Variants in ABCC1 observed in about 807,000 individuals in gnomAD.
ABCC1 encodes the protein ATP binding cassette subfamily C member 1 (ABCC1 blood group).
In ABCC1, 83 loss-of-function variants were observed where a neutral mutation model predicts 172.9. The ratio of observed to expected loss-of-function variants is 0.48; its 90% CI spans 0.40 to 0.58. The LOEUF is 0.58. ABCC1 is among the 20% of genes least tolerant of loss of function. ABCC1 has a pLI of 0.00. For synonymous variants in ABCC1, 937 were observed against 825.2 expected (o/e 1.14, Z -2.32); for missense variants, 1,817 against 2,002.7 (o/e 0.91, Z 1.77).
intron 1 of ABCC1, among the ~76,000 whole-genome samples, chr16:15,968,462 C>T (rs1261154051): frequency 6.6e-6 from 1 of 151,978 alleles, no homozygotes; most frequent in Admixed American, 6.6e-5. Context: ...GGCTGGAGTG[C>T]AGGTGGCGTG....
At position 15,949,633 on chromosome 16, in the gene ABCC1, C is replaced by CGCCGCCGCCGCCGCCGCCAGCGCT. The variant is rs1555470995; in HGVS notation, c.-119_-118insGCCGCCGCCGCCGCCGCCAGCGCT. The CGCCGCCGCCGCCGCCGCCAGCGCT allele has an allele frequency of 1.5e-6, 1 of 684,464 alleles. No individual in the cohort carries two copies. Among genetic ancestry groups the CGCCGCCGCCGCCGCCGCCAGCGCT allele is most frequent in the Admixed American group, 6.5e-5 (1 of 15,376 alleles). 42.4% of individuals were successfully genotyped at this position (684,464 alleles called of 1,614,324 possible). On this transcript the variant is annotated 5_prime_UTR_variant, in exon 1 of 31. Transcript: ENST00000399410. ...CCTGCGCCGCCGCCGCCGCCGCCGCCAGCGCTAGCGCCAGCAGCCGGGCCC... is the reference window on the plus strand; with the variant it reads ...CCTGCGCCGCCGCCGCCGCCGCCGCCGCCGCCGCCGCCGCCGCCAGCGCTAGCGCTAGCGCCAGCAGCCGGGCCC...
intron 1 of ABCC1, among the ~76,000 whole-genome samples, chr16:15,956,699 G>T (rs2046005484): frequency 6.6e-6 from 1 of 152,114 alleles, no homozygotes; most frequent in Non-Finnish European, 1.5e-5. Flanking sequence ...GTAGAGAAAA[G>T]AAAATGTTAA....
chr16:16,066,601 G>A (rs45550041), intron 12 of ABCC1, among the ~76,000 whole-genome samples: 4,801 of 151,940 alleles, frequency 0.032, 242 homozygotes, highest in African/African-American at 0.11. Flanking sequence ...ACCCTTTCGA[G>A]TAAAGAATAT....
At chr16:16,049,978 G>T (rs1054742845) in intron 10 of ABCC1, among the ~76,000 whole-genome samples, 32 of 152,118 alleles carry the variant, frequency 2.1e-4, no homozygotes, top group African/African-American at 7.0e-4. Context: ...ACAGGCGTGA[G>T]CCACCGTGCC....
chr16:16,006,912 A>ATGATGGTGG (rs141021721), intron 1 of ABCC1, among the ~76,000 whole-genome samples: 1 of 132,824 alleles, frequency 7.5e-6, no homozygotes, highest in Non-Finnish European at 1.7e-5. Flanking sequence ...GATGGTGATG[A>ATGATGGTGG]TGATGGTGGT....
chr16:16,083,407 T>G lies in ABCC1; in HGVS notation c.2157T>G (p.Asn719Lys). ...TGCCACAGCAGGCCTGGATTCAGAA[T>G]GATTCTCTCCGAGAAAACATCCTTT... ...AYVPQQAWIQNDSLRENILFG... is the reference protein window; with the variant it reads ...AYVPQQAWIQKDSLRENILFG... The change falls in exon 17 of 31, where the codon AAT becomes AAG. Residue 719 changes from asparagine to lysine, a missense_variant. This residue lies in a region of ABCC1 where 1,412 missense variants were observed against 1,600.3 expected (regional missense o/e 0.88). Transcript: ENST00000399410. 6.2e-7 allele frequency: 1 copy of G among 1,613,876 alleles called. No homozygotes were observed. The highest frequency in any genetic ancestry group is 8.5e-7 in the Non-Finnish European group (1 of 1,180,042).
At chr16:16,138,644 A>C (rs1596563469) in intron 30 of ABCC1, 86 bp downstream of exon 30, 2 of 1,153,672 alleles carry the variant, frequency 1.7e-6, no homozygotes, top group South Asian at 1.9e-5. Flanking sequence ...TTCATTCAAC[A>C]CTGTCCTTAT....
intron 17 of ABCC1, among the ~76,000 whole-genome samples, chr16:16,084,196 G>T (rs896372524): frequency 1.3e-5 from 2 of 151,966 alleles, no homozygotes; most frequent in Admixed American, 1.3e-4. Flanking sequence ...TCTGCCTCCC[G>T]CGTTCAGGTG....
At chr16:16,001,707 A>G (rs1004652821) in intron 1 of ABCC1, among the ~76,000 whole-genome samples, 2 of 152,196 alleles carry the variant, frequency 1.3e-5, no homozygotes, top group African/African-American at 4.8e-5. Flanking sequence ...TAAACTACAC[A>G]GAGATATTTT....
At position 16,056,119 on chromosome 16, in the gene ABCC1, C is replaced by T. The variant is rs376468016; in HGVS notation, c.1501C>T (p.Arg501Trp). 16 of 1,613,980 alleles carry T rather than the reference C, an allele frequency of 9.9e-6. No individual in the cohort carries two copies. Among genetic ancestry groups the T allele is most frequent in the Non-Finnish European group, 1.4e-5 (16 of 1,180,024 alleles). The stretch of plus-strand genomic sequence containing the variant: ...GGCCCACATGAAGAGCAAAGACAAT[C>T]GGATCAAGCTGATGAACGAAATTCT... Reference protein sequence around the residue: ...QVAHMKSKDNRIKLMNEILNG... With the variant: ...QVAHMKSKDNWIKLMNEILNG... Residue 501 changes from arginine (R) to tryptophan (W), a missense_variant, in exon 12 of 31, where the codon CGG becomes TGG. Arg to Trp is a moderately radical substitution (Grantham distance 101). This residue lies in a region of ABCC1 where 1,412 missense variants were observed against 1,600.3 expected (regional missense o/e 0.88). Coordinates refer to ENST00000399410, the MANE Select transcript of ABCC1 (RefSeq NM_004996.4).
At chr16:16,126,044 T>C in intron 26 of ABCC1, 133 bp downstream of exon 26, 2 of 573,420 alleles carry the variant, frequency 3.5e-6, no homozygotes, top group Non-Finnish European at 6.0e-6. Flanking sequence ...TCTTAACGCT[T>C]GTCCAGTCTT....
At chr16:16,045,786 G>A (rs1433266730) in intron 8 of ABCC1, 50 bp from the exon 9 acceptor site, 1 of 1,581,794 alleles carries the variant, frequency 6.3e-7, no homozygotes, top group African/African-American at 1.3e-5. Context: ...TCTCTTCCCT[G>A]CCCCCACGTG....
intron 1 of ABCC1, among the ~76,000 whole-genome samples, chr16:15,996,747 C>T (rs971205332): frequency 1.3e-5 from 2 of 151,978 alleles, no homozygotes; most frequent in East Asian, 1.9e-4. Flanking sequence ...GTGAGCTGCC[C>T]GGTGCACGAG....
chr16:15,995,986 T>G (rs1010989616), intron 1 of ABCC1, among the ~76,000 whole-genome samples: 1 of 119,602 alleles, frequency 8.4e-6, no homozygotes, highest in African/African-American at 3.1e-5. Flanking sequence ...AGTTTTTTTT[T>G]TTTTTTTTTT....
intron 17 of ABCC1, among the ~76,000 whole-genome samples, chr16:16,085,281 C>T (rs1297922202): frequency 1.3e-5 from 2 of 152,234 alleles, no homozygotes; most frequent in Non-Finnish European, 2.9e-5. Flanking sequence ...CCTTCAAGGC[C>T]TGGGGTGCCT....
chr16:16,119,888 C>T lies in ABCC1; in HGVS notation c.3391-2087C>T, dbSNP rs373458136. 4.4e-4 allele frequency among the ~76,000 whole-genome samples: 67 copies of T among 152,228 alleles called. 1 individual carries two copies. Among genetic ancestry groups the T allele is most frequent in the Admixed American group, 3.3e-3 (50 of 15,280 alleles). On this transcript the variant is annotated intron_variant, in intron 23 of 30. Transcript: ENST00000399410. ...TCCAGGGTAAGATGGGGCAGATCAC[C>T]TGGGCCTTCAGCCATGCAGAGGGGT...
intron 1 of ABCC1, among the ~76,000 whole-genome samples, chr16:15,964,308 G>C (rs1004241354): frequency 2.6e-5 from 4 of 152,100 alleles, no homozygotes; most frequent in African/African-American, 9.7e-5. Context: ...TCTTCCCCTA[G>C]ATGCCCTAAA....
chr16:16,132,379 G>T (rs1224429283), intron 27 of ABCC1, among the ~76,000 whole-genome samples: 1 of 151,194 alleles, frequency 6.6e-6, no homozygotes, highest in Non-Finnish European at 1.5e-5. Context: ...CTACTATGTT[G>T]TCCAGGCTGA....
chr16:16,086,494 G>A (rs28710234), intron 17 of ABCC1, among the ~76,000 whole-genome samples: 14,903 of 152,154 alleles, frequency 0.098, 1,123 homozygotes, highest in African/African-American at 0.21. Context: ...TCATTCTGTC[G>A]CCCAGGCTGG....
Sources: allele counts gnomAD v4.1 joint callset (sites outside exome capture counted in the v4.1 genomes callset), GRCh38; gene constraint gnomAD v4.1.1; regional missense constraint gnomAD v4.1.1; transcripts MANE v1.5; gene names NCBI Gene and HGNC (gene_info 2026-07-23, HGNC 2026-07-21).